Variants in RYR3 observed in about 807,000 individuals in gnomAD.
RYR3 encodes ryanodine receptor 3, also known as brain ryanodine receptor-calcium release channel.
RYR3 carries 207 observed loss-of-function variants against 584.3 expected under a neutral mutation model. That is an observed-to-expected ratio of 0.35 (90% CI 0.32 to 0.40). The LOEUF (loss-of-function observed/expected upper bound fraction) is 0.40. RYR3 is among the 10% of genes least tolerant of loss of function. The probability of loss-of-function intolerance (pLI) is 1.00; values close to 1 mark genes in which losing one functional copy is unlikely to be tolerated. For missense variants in RYR3, 5,616 were observed against 6,089.2 expected, an observed-to-expected ratio of 0.92 and a Z score of 2.59; for synonymous variants, 2,416 against 2,248.5, an observed-to-expected ratio of 1.07 and a Z score of -2.11.
intron 41 of RYR3, 95 bp downstream of exon 41, chr15:33,699,928 C>A (rs2066178050): frequency 1.6e-6 from 2 of 1,235,214 alleles, no homozygotes; most frequent in Non-Finnish European, 2.3e-6. Context: ...GAGCCACATG[C>A]ACGCTGTGAT....
intron 86 of RYR3, among the ~76,000 whole-genome samples, chr15:33,832,104 G>A (rs2077713972): frequency 6.6e-6 from 1 of 151,940 alleles, no homozygotes; most frequent in Non-Finnish European, 1.5e-5. Flanking sequence ...GACCAACCTG[G>A]GCAATATGGT....
In RYR3 at chr15:33,838,688, T is replaced by G; in HGVS notation, c.12708T>G (p.Pro4236=). The G allele has an allele frequency of 6.2e-7, 1 of 1,613,986 alleles. No individual in the cohort carries two copies. ...IRVTKILGDM[P]DPTQFGIHDD... ...TGACCAAGATCCTGGGTGACATGCC[T>G]GACCCAACCCAATTTGGTATCCATG... The change falls in exon 89 of 104, where the codon CCT becomes CCG. Residue 4236 remains proline, a synonymous_variant. Transcript: ENST00000634891.
chr15:33,664,973 C>CT (rs2063412739), intron 36 of RYR3, among the ~76,000 whole-genome samples: 1 of 152,124 alleles, frequency 6.6e-6, no homozygotes. Context: ...CTTATCATCC[C>CT]TTTGCAAAAT....
At chr15:33,749,044 A>T (rs2071024880) in intron 55 of RYR3, among the ~76,000 whole-genome samples, 2 of 152,282 alleles carry the variant, frequency 1.3e-5, no homozygotes, top group African/African-American at 4.8e-5. Flanking sequence ...GTACAGACAC[A>T]TTTTTTTCCA....
Position 33,717,423 on chromosome 15 carries a change from C to G in RYR3, c.6620-5292C>G, listed in dbSNP as rs1002176009. ...TTCAGATACTCAGACTAAGTCTAGA[C>G]AGCATCCTTGAATCAACTTTTTTCC... On this transcript the variant is annotated intron_variant, in intron 43 of 103. Coordinates refer to ENST00000634891, the MANE Select transcript of RYR3 (RefSeq NM_001036.6). 6.6e-5 allele frequency among the ~76,000 whole-genome samples: 10 copies of G among 152,314 alleles called. No homozygotes were observed. In the South Asian group the frequency reaches 1.9e-3, roughly 28 times the overall value.
At chr15:33,363,493 T>C (rs561402903) in intron 1 of RYR3, among the ~76,000 whole-genome samples, 3 of 152,238 alleles carry the variant, frequency 2.0e-5, no homozygotes, top group Non-Finnish European at 4.4e-5. Flanking sequence ...TCCTAGGATA[T>C]GGCAGATGTT....
Position 33,460,940 on chromosome 15 carries a change from C to CTTTTTTTT in RYR3, c.52-12464_52-12457dup, listed in dbSNP as rs66742049. 4.8e-4 allele frequency among the ~76,000 whole-genome samples: 38 copies of CTTTTTTTT among 79,198 alleles called. 3 individuals carry two copies. Among genetic ancestry groups the CTTTTTTTT allele is most frequent in the African/African-American group, 1.9e-3 (33 of 17,464 alleles). 52.0% of individuals were successfully genotyped at this position (79,198 alleles called of 152,430 possible). A position where few individuals can be genotyped will look rare whatever the true frequency, so the allele number is the denominator to read the frequency against. On this transcript the variant is annotated intron_variant, in intron 1 of 103. Transcript: ENST00000634891. ...GGAATTTGTGGCACATAATATCCAC[C>CTTTTTTTT]TTTTTTTTTTTTTTTTTTTTTTAAG...
At chr15:33,557,069 G>C (rs1380355609) in intron 10 of RYR3, among the ~76,000 whole-genome samples, 1 of 152,164 alleles carries the variant, frequency 6.6e-6, no homozygotes. Flanking sequence ...TAACCATTCA[G>C]ATATTCTGTT....
At chr15:33,812,001 A>G (rs776414170) in intron 72 of RYR3, among the ~76,000 whole-genome samples, 10 of 152,176 alleles carry the variant, frequency 6.6e-5, no homozygotes, top group Non-Finnish European at 1.2e-4. Context: ...ACTAGGAAAA[A>G]AAAGGCAATA....
At chr15:33,852,247 C>CG (rs1399241642) in intron 94 of RYR3, 1 of 150,730 alleles carries the variant, frequency 6.6e-6, no homozygotes, top group Non-Finnish European at 1.5e-5. Context: ...TTACAAGGAA[C>CG]CCCCCCACAG....
Position 33,566,784 on chromosome 15 carries a change from T to G in RYR3, c.1253T>G (p.Phe418Cys). ...ATCATCCGGAACACTACAGCCTTAT[T>G]CAGCCAGTTTGTCAGGTATGTTAGC... ...ARIIRNTTAL[F>C]SQFVSGNNRT... The change falls in exon 12 of 104, where the codon TTC becomes TGC. Residue 418 changes from phenylalanine to cysteine, a missense_variant. Phe to Cys is a radical substitution (Grantham distance 205, BLOSUM62 -2). Coordinates refer to ENST00000634891, the MANE Select transcript of RYR3 (RefSeq NM_001036.6). 1 of 1,613,722 alleles carries G rather than the reference T, an allele frequency of 6.2e-7. No homozygotes were observed. Among genetic ancestry groups the G allele is most frequent in the Non-Finnish European group, 8.5e-7 (1 of 1,179,678 alleles).
intron 50 of RYR3, among the ~76,000 whole-genome samples, chr15:33,739,389 C>T (rs1259983694): frequency 1.3e-5 from 2 of 152,124 alleles, no homozygotes; most frequent in Non-Finnish European, 2.9e-5. Context: ...ATTGAGCAGC[C>T]TGCTGATGAT....
At chr15:33,407,529 G>A (rs1274200690) in intron 1 of RYR3, among the ~76,000 whole-genome samples, 1 of 152,166 alleles carries the variant, frequency 6.6e-6, no homozygotes, top group African/African-American at 2.4e-5. Context: ...ATCACCTGGG[G>A]CCTTGGAAGT....
At position 33,489,332 on chromosome 15, in the gene RYR3, T is replaced by C. The variant is rs901622600; in HGVS notation, c.172-14299T>C. Among the ~76,000 whole-genome samples the C allele has an allele frequency of 2.0e-5, 3 of 152,186 alleles. No individual in the cohort carries two copies. In the East Asian group the frequency reaches 5.8e-4, roughly 29 times the overall value. ...AGGTATTAAGCCCAGTGCCCAGTAG[T>C]TATTTTTTCTGCTCCTCTCCCTCCT... On this transcript the variant is annotated intron_variant, in intron 2 of 103. Transcript: ENST00000634891.
intron 13 of RYR3, among the ~76,000 whole-genome samples, chr15:33,580,973 A>G (rs989326348): frequency 6.8e-6 from 1 of 147,064 alleles, no homozygotes; most frequent in Non-Finnish European, 1.5e-5. Flanking sequence ...TAGTATTTCA[A>G]ATTAGCTAGA....
intron 11 of RYR3, among the ~76,000 whole-genome samples, chr15:33,565,193 G>A (rs2057642165): frequency 6.6e-6 from 1 of 152,142 alleles, no homozygotes; most frequent in South Asian, 2.1e-4. Flanking sequence ...TTTTAAATGT[G>A]TTATCTGAGC....
chr15:33,628,441 G>A (rs564920252), intron 20 of RYR3, 30 bp from the exon 21 acceptor site: 17 of 1,470,634 alleles, frequency 1.2e-5, no homozygotes, highest in South Asian at 1.0e-4. Context: ...CAAAACAATC[G>A]ATTCTTTTCA....
chr15:33,501,105 T>G (rs767653834), intron 2 of RYR3, among the ~76,000 whole-genome samples: 6 of 152,146 alleles, frequency 3.9e-5, no homozygotes, highest in Non-Finnish European at 8.8e-5. Context: ...GTGCTCCCAT[T>G]TGAGAGGCTT....
At chr15:33,541,171 TCTCC>T (rs775423201) in intron 7 of RYR3, among the ~76,000 whole-genome samples, 75 of 152,240 alleles carry the variant, frequency 4.9e-4, no homozygotes, top group Middle Eastern at 6.8e-3. Context: ...ACCTTTGCTC[TCTCC>T]CTGAGTTTCC....
Sources: gnomAD v4.1 joint callset for allele counts (sites outside exome capture counted in the v4.1 genomes callset) on GRCh38, gnomAD v4.1.1 for gene constraint, MANE v1.5 for transcripts, NCBI Gene and HGNC (gene_info 2026-07-23, HGNC 2026-07-21) for gene names.